The following LRP1B variants were observed in gnomAD, a reference collection of about 807,000 sequenced individuals.
The protein encoded by LRP1B is LDL receptor related protein 1B, also known as low-density lipoprotein receptor-related protein 1B.
Under a neutral mutation model 556.6 loss-of-function variants are expected in LRP1B, and 217 were observed. The ratio of observed to expected loss-of-function variants is 0.39; its 90% CI spans 0.35 to 0.44. The LOEUF (loss-of-function observed/expected upper bound fraction) is 0.44. LRP1B is among the 20% of genes least tolerant of loss of function. The pLI is 1.00. For synonymous variants in LRP1B, 2,047 were observed against 1,865.8 expected (o/e 1.10, Z -2.50); for missense variants, 5,053 against 5,620.8 (o/e 0.90, Z 3.23).
At chr2:141,113,477 A>G (rs12468793) in intron 7 of LRP1B, among the ~76,000 whole-genome samples, 43,199 of 152,070 alleles carry the variant, frequency 0.28, 6,608 homozygotes, top group East Asian at 0.65. Context: ...CCCTTTAAAA[A>G]CAATTTTAAA....
chr2:141,539,278 G>A (rs755031532), intron 2 of LRP1B, among the ~76,000 whole-genome samples: 14 of 152,030 alleles, frequency 9.2e-5, no homozygotes, highest in Non-Finnish European at 1.8e-4. Context: ...AGAGAAACAG[G>A]CAACAGAGTT....
chr2:141,545,940 G>A (rs1405124716), intron 2 of LRP1B, among the ~76,000 whole-genome samples: 2 of 152,112 alleles, frequency 1.3e-5, no homozygotes, highest in African/African-American at 4.8e-5. Flanking sequence ...TTCTGACTTA[G>A]CAAAGAGTAA....
At chr2:142,071,244 T>C (rs746905884) in intron 1 of LRP1B, among the ~76,000 whole-genome samples, 42 of 152,108 alleles carry the variant, frequency 2.8e-4, no homozygotes, top group Middle Eastern at 3.4e-3. Context: ...AGGCAGCTAC[T>C]ACAAAAGTCA....
chr2:141,846,233 TATTTA>T (rs1558914276), intron 1 of LRP1B, among the ~76,000 whole-genome samples: 1 of 151,740 alleles, frequency 6.6e-6, no homozygotes, highest in Non-Finnish European at 1.5e-5. Flanking sequence ...GTAAAAATTT[TATTTA>T]ATAAAAGAAT....
chr2:141,047,766 C>A, intron 11 of LRP1B, among the ~76,000 whole-genome samples: 1 of 152,030 alleles, frequency 6.6e-6, no homozygotes. Context: ...CATTTAGGTC[C>A]CCCACACCCT....
At chr2:140,684,964 C>T (rs1426276765) in intron 41 of LRP1B, among the ~76,000 whole-genome samples, 2 of 152,132 alleles carry the variant, frequency 1.3e-5, no homozygotes, top group East Asian at 1.9e-4. Context: ...ATTTTTGCTA[C>T]TCATACATGC....
chr2:141,754,435 T>G (rs10188402), intron 2 of LRP1B, among the ~76,000 whole-genome samples: 56,927 of 151,978 alleles, frequency 0.37, 11,378 homozygotes, highest in East Asian at 0.54. Flanking sequence ...AGGGAATGGA[T>G]TGATATCTAG....
At chr2:141,770,121 C>T (rs1694850536) in intron 2 of LRP1B, among the ~76,000 whole-genome samples, 1 of 151,884 alleles carries the variant, frequency 6.6e-6, no homozygotes, top group South Asian at 2.1e-4. Flanking sequence ...CCTCCTACTC[C>T]AATTTCAACT....
At chr2:141,102,966 G>C (rs1244164631) in intron 7 of LRP1B, among the ~76,000 whole-genome samples, 1 of 152,048 alleles carries the variant, frequency 6.6e-6, no homozygotes, top group Non-Finnish European at 1.5e-5. Context: ...TTAATAACAA[G>C]ATAATCTTTT....
chr2:141,185,683 C>CAAAAAAAAA lies in LRP1B; in HGVS notation c.1013+2737_1013+2738insTTTTTTTTT, dbSNP rs148935362. 5.9e-4 allele frequency among the ~76,000 whole-genome samples: 44 copies of CAAAAAAAAA among 74,336 alleles called. 1 individual carries two copies. Among genetic ancestry groups the CAAAAAAAAA allele is most frequent in the African/African-American group, 2.1e-3 (43 of 20,646 alleles). The allele number at this position is 74,336 out of a possible 152,430, so 48.8% of individuals were successfully genotyped here. On this transcript the variant is annotated intron_variant, in intron 7 of 90. Transcript: ENST00000389484. ...AAACCATGGAGAACTGAAAAACAAA[C>CAAAAAAAAA]AAACAAAAAAAAACAAAAAAAAAAA...
intron 6 of LRP1B, among the ~76,000 whole-genome samples, chr2:141,189,649 TAAA>T (rs60427658): frequency 0.042 from 6,427 of 151,962 alleles, 451 homozygotes; most frequent in African/African-American, 0.15. Context: ...AGGTCAACAA[TAAA>T]AAAATTCCAT....
intron 7 of LRP1B, among the ~76,000 whole-genome samples, chr2:141,178,708 A>G (rs1680852375): frequency 6.6e-6 from 1 of 152,120 alleles, no homozygotes; most frequent in African/African-American, 2.4e-5. Flanking sequence ...TAACCAGATG[A>G]CAAATTTTCC....
At chr2:140,690,219 C>A (rs868721771) in intron 41 of LRP1B, among the ~76,000 whole-genome samples, 5 of 152,108 alleles carry the variant, frequency 3.3e-5, no homozygotes, top group Middle Eastern at 3.4e-3. Flanking sequence ...CCATTATCTT[C>A]CATTAATTTA....
At chr2:140,965,008 AT>A (rs1459194184) in intron 18 of LRP1B, among the ~76,000 whole-genome samples, 1 of 152,200 alleles carries the variant, frequency 6.6e-6, no homozygotes. Context: ...ATAGAGAGAT[AT>A]TGAAAGAAGT....
At chr2:140,947,224 A>G (rs944799838) in intron 20 of LRP1B, among the ~76,000 whole-genome samples, 17 of 152,216 alleles carry the variant, frequency 1.1e-4, no homozygotes, top group African/African-American at 4.1e-4. Context: ...GAGAATACAT[A>G]TTGAACTTAA....
intron 41 of LRP1B, among the ~76,000 whole-genome samples, chr2:140,677,894 A>G (rs1685727775): frequency 6.6e-6 from 1 of 151,196 alleles, no homozygotes; most frequent in Non-Finnish European, 1.5e-5. Flanking sequence ...AAAAAAAAAA[A>G]GCCAACATTA....
intron 1 of LRP1B, among the ~76,000 whole-genome samples, chr2:141,878,811 AT>A (rs566289819): frequency 4.6e-5 from 7 of 151,620 alleles, no homozygotes; most frequent in Non-Finnish European, 8.8e-5. Context: ...TCTATTTGGA[AT>A]TTTTTTTTAT....
At chr2:140,805,098 C>A (rs540053684) in intron 32 of LRP1B, among the ~76,000 whole-genome samples, 1 of 152,010 alleles carries the variant, frequency 6.6e-6, no homozygotes, top group Non-Finnish European at 1.5e-5. Context: ...ATCAACAGAG[C>A]CAATGTTTTT....
chr2:141,996,584 G>A (rs563685556), intron 1 of LRP1B, among the ~76,000 whole-genome samples: 109 of 152,302 alleles, frequency 7.2e-4, no homozygotes, highest in African/African-American at 2.6e-3. Context: ...AGGATATGAT[G>A]CTGGATTGTC....
Sources: gnomAD v4.1 joint callset for allele counts (sites outside exome capture counted in the v4.1 genomes callset) on GRCh38, gnomAD v4.1.1 for gene constraint, MANE v1.5 for transcripts, NCBI Gene and HGNC (gene_info 2026-07-23, HGNC 2026-07-21) for gene names.